The following SLC1A7 variants were observed in gnomAD, a reference collection of about 807,000 sequenced individuals.
The protein encoded by SLC1A7 is solute carrier family 1 member 7.
SLC1A7 carries 40 observed loss-of-function variants against 47.7 expected under a neutral mutation model. The observed-to-expected ratio is 0.84, with a 90% confidence interval of 0.65 to 1.09. The LOEUF is 1.09. Among genes scored for constraint, SLC1A7 ranks in the 50% least tolerant of loss-of-function variants. The pLI, the probability that SLC1A7 is intolerant of heterozygous loss-of-function variation, is 0.00. For synonymous variants in SLC1A7, 323 were observed against 325.6 expected (o/e 0.99, Z 0.09); for missense variants, 746 against 769.5 (o/e 0.97, Z 0.36).
intron 1 of SLC1A7, 108 bp downstream of exon 1, chr1:53,142,207 C>G: frequency 7.8e-7 from 1 of 1,279,744 alleles, no homozygotes; most frequent in Non-Finnish European, 1.1e-6. Context: ...GAGGGATTCA[C>G]ACACTGTCAT....
intron 1 of SLC1A7, among the ~76,000 whole-genome samples, chr1:53,141,834 T>A (rs936415933): frequency 1.3e-5 from 2 of 152,106 alleles, no homozygotes; most frequent in Non-Finnish European, 2.9e-5. Context: ...AAGCATCTCA[T>A]GGTTGCCGCA....
At position 53,091,077 on chromosome 1, in the gene SLC1A7, A is replaced by C. The variant is rs1189716507; in HGVS notation, c.1032-271T>G. The C allele has an allele frequency of 3.1e-5, 29 of 945,784 alleles. No homozygotes were observed. The East Asian group carries it at 7.5e-4, about 24-fold the overall frequency. 58.6% of individuals were successfully genotyped at this position (945,784 alleles called of 1,614,324 possible). The stretch of plus-strand genomic sequence containing the variant: ...ATGTCACACTGCTGTGCCGAGGGAT[A>C]TGGAGGTCTGAGCAGCAGGGCCCTG... On this transcript the variant is annotated intron_variant, in intron 7 of 10. Transcript: ENST00000371494.
chr1:53,108,599 C>T, intron 3 of SLC1A7: 1 of 718,056 alleles, frequency 1.4e-6, no homozygotes, highest in South Asian at 1.5e-5. Flanking sequence ...TCAGCCAGGA[C>T]CCTTTGGTCC....
rs1294524307 is a variant in SLC1A7, at chr1:53,114,693, G to T, written c.431+65C>A. The T allele has an allele frequency of 1.1e-5, 16 of 1,422,398 alleles. No homozygotes were observed. The East Asian group carries it at 2.8e-4, about 24-fold the overall frequency. 88.1% of individuals were successfully genotyped at this position (1,422,398 alleles called of 1,614,324 possible). A position where few individuals can be genotyped will look rare whatever the true frequency, so the allele number is the denominator to read the frequency against. On this transcript the variant is annotated intron_variant, in intron 3 of 10. Coordinates refer to ENST00000371494, the MANE Select transcript of SLC1A7 (RefSeq NM_006671.6). The stretch of plus-strand genomic sequence containing the variant: ...ATCTCCACACCCCGTCCTGGCCTCT[G>T]GGGGACCTGGCAGGGCAGGCTCGGG...
At chr1:53,113,504 T>G (rs1186913482) in intron 3 of SLC1A7, among the ~76,000 whole-genome samples, 1 of 152,072 alleles carries the variant, frequency 6.6e-6, no homozygotes, top group East Asian at 1.9e-4. Flanking sequence ...GAAATCTTCA[T>G]GCTGGGTGAT....
chr1:53,133,558 C>T (rs556958778), intron 2 of SLC1A7, among the ~76,000 whole-genome samples: 8 of 152,180 alleles, frequency 5.3e-5, no homozygotes, highest in Non-Finnish European at 8.8e-5. Context: ...ATGAAGATTT[C>T]TCATGGCCTC....
At chr1:53,141,767 A>C (rs1572357628) in intron 1 of SLC1A7, among the ~76,000 whole-genome samples, 5 of 143,546 alleles carry the variant, frequency 3.5e-5, no homozygotes, top group South Asian at 2.2e-4. Flanking sequence ...CCCCCTCTCC[A>C]CTCAGCACCT....
At chr1:53,108,617 C>G in intron 3 of SLC1A7, 1 of 717,938 alleles carries the variant, frequency 1.4e-6, no homozygotes, top group Non-Finnish European at 2.6e-6. Flanking sequence ...TCCGTTCCTC[C>G]AACTTTCTTC....
At chr1:53,139,164 C>T (rs781403084) in intron 1 of SLC1A7, among the ~76,000 whole-genome samples, 7 of 152,300 alleles carry the variant, frequency 4.6e-5, no homozygotes, top group Non-Finnish European at 1.0e-4. Flanking sequence ...TGTCAACTGA[C>T]GGCCCTCAGG....
rs201851293 is a variant in SLC1A7, at chr1:53,136,138, A to ACT, written c.136-1711_136-1710dup. On this transcript the variant is annotated intron_variant, in intron 1 of 10. Transcript: ENST00000371494. ...TTTTTAAAGAAATATGCCCATCATG[A>ACT]CTCTCTCTCTCTCTATATATATATA... 3.4e-4 allele frequency among the ~76,000 whole-genome samples: 42 copies of ACT among 123,654 alleles called. No individual in the cohort carries two copies. The South Asian group carries it at 5.4e-3, about 16-fold the overall frequency. 81.1% of individuals were successfully genotyped at this position (123,654 alleles called of 152,430 possible).
intron 9 of SLC1A7, 86 bp from the exon 10 acceptor site, chr1:53,089,065 G>A (rs1000844466): frequency 2.7e-5 from 29 of 1,067,570 alleles, no homozygotes; most frequent in South Asian, 3.9e-5. Flanking sequence ...AGTACAGCAC[G>A]GCCGGTGACC....
In SLC1A7 at chr1:53,108,678, G is replaced by C. The variant is rs956504548; in HGVS notation, c.432-2904C>G. ...AGCTAGAGCTTGAGCAACCTTCATG[G>C]ACCATGAGACTCAGATGAAAGCCAG... On this transcript the variant is annotated intron_variant, in intron 3 of 10. Transcript: ENST00000371494. 12 of 717,126 alleles carry C rather than the reference G, an allele frequency of 1.7e-5. No homozygotes were observed. In the East Asian group the frequency reaches 1.9e-4, roughly 11 times the overall value. The allele number at this position is 717,126 out of a possible 1,614,324, so 44.4% of individuals were successfully genotyped here.
chr1:53,133,366 AAAT>A (rs1307138929), intron 2 of SLC1A7, among the ~76,000 whole-genome samples: 1 of 152,194 alleles, frequency 6.6e-6, no homozygotes, highest in Non-Finnish European at 1.5e-5. Flanking sequence ...TGAGAAATTT[AAAT>A]GCTGCTTGCA....
intron 2 of SLC1A7, among the ~76,000 whole-genome samples, chr1:53,126,590 G>A (rs2150340965): frequency 6.6e-6 from 1 of 152,282 alleles, no homozygotes; most frequent in East Asian, 1.9e-4. Context: ...TGTCCTTGCT[G>A]GCAAGTGTCT....
intron 3 of SLC1A7, among the ~76,000 whole-genome samples, chr1:53,106,549 G>A (rs915543932): frequency 1.8e-4 from 27 of 150,322 alleles, no homozygotes; most frequent in Admixed American, 8.6e-4. Context: ...GCAGTGAGCC[G>A]AGATCGCGCC....
At chr1:53,138,975 C>T (rs1293589126) in intron 1 of SLC1A7, among the ~76,000 whole-genome samples, 1 of 152,192 alleles carries the variant, frequency 6.6e-6, no homozygotes, top group Non-Finnish European at 1.5e-5. Context: ...CCTTCTCCTC[C>T]CCGCCTTGTC....
At chr1:53,125,038 A>AG (rs1644867434) in intron 2 of SLC1A7, among the ~76,000 whole-genome samples, 1 of 152,132 alleles carries the variant, frequency 6.6e-6, no homozygotes, top group Admixed American at 6.5e-5. Flanking sequence ...CTGCTCGGGG[A>AG]AGAATGGGAA....
Position 53,088,051 on chromosome 1 carries a change from G to A in SLC1A7, c.1641C>T (p.Asn547=). The A allele has an allele frequency of 4.4e-6, 7 of 1,596,242 alleles. No individual in the cohort carries two copies. The highest frequency in any genetic ancestry group is 6.0e-6 in the Non-Finnish European group (7 of 1,169,134). Residue 547 remains asparagine, a synonymous_variant, in exon 11 of 11, where the codon AAC becomes AAT. Transcript: ENST00000371494. ...GCTCACTGATCTGGATGGTGCAGTG[G>A]TTCAGACTCGCAGCGGGCAGCTCCT... ...QDEELPAASL[N]HCTIQISELE...
intron 1 of SLC1A7, among the ~76,000 whole-genome samples, chr1:53,141,738 C>G (rs1330610994): frequency 6.6e-6 from 1 of 152,002 alleles, no homozygotes; most frequent in Non-Finnish European, 1.5e-5. Context: ...TTCTCGGCCC[C>G]CTGCCTGCCC....
Sources: allele counts gnomAD v4.1 joint callset (sites outside exome capture counted in the v4.1 genomes callset), GRCh38; gene constraint gnomAD v4.1.1; transcripts MANE v1.5; gene names NCBI Gene and HGNC (gene_info 2026-07-23, HGNC 2026-07-21).